DOCK3: variants seen among roughly 807,000 people sequenced by gnomAD.
The protein encoded by DOCK3 is dedicator of cytokinesis protein 3.
In DOCK3, 60 loss-of-function variants were observed where a neutral mutation model predicts 265.6. The observed-to-expected ratio is 0.23, with a 90% CI of 0.18 to 0.28. DOCK3 has a LOEUF of 0.28. Among genes scored for constraint, DOCK3 ranks in the 10% least tolerant of loss-of-function variants. The pLI is 1.00. For missense variants in DOCK3, 1,981 were observed against 2,594.3 expected, an observed-to-expected ratio of 0.76 and a Z score of 5.14; for synonymous variants, 881 against 938.0, an observed-to-expected ratio of 0.94 and a Z score of 1.11.
chr3:51,130,630 G>A (rs538204159), intron 9 of DOCK3, among the ~76,000 whole-genome samples: 4 of 152,292 alleles, frequency 2.6e-5, no homozygotes, highest in South Asian at 2.1e-4. Flanking sequence ...ATCACCACCC[G>A]TACATCTTTC....
chr3:50,719,551 C>T lies in DOCK3; in HGVS notation c.37+44251C>T, dbSNP rs2037347789. On this transcript the variant is annotated intron_variant, in intron 1 of 52. Coordinates refer to ENST00000266037, the MANE Select transcript of DOCK3 (RefSeq NM_004947.5). The stretch of plus-strand genomic sequence containing the variant: ...TGCCGTTTCTGGATCTAGAGCACTC[C>T]ATGGCCTGCATAATATTAATGCTAT... 5 of 1,297,084 alleles carry T rather than the reference C, an allele frequency of 3.9e-6. No individual in the cohort carries two copies. The South Asian group carries it at 4.8e-5, about 13-fold the overall frequency. The allele number at this position is 1,297,084 out of a possible 1,614,324, so 80.3% of individuals were successfully genotyped here.
intron 2 of DOCK3, among the ~76,000 whole-genome samples, chr3:50,791,846 TTGAAGTTG>T (rs1309022847): frequency 5.3e-5 from 8 of 152,180 alleles, no homozygotes; most frequent in Admixed American, 4.6e-4. Flanking sequence ...GTGGTATAGT[TTGAAGTTG>T]GGTAGCATGA....
chr3:51,360,588 T>C lies in DOCK3; in HGVS notation c.4962T>C (p.His1654=). The change falls in exon 47 of 53, where the codon CAT becomes CAC. Residue 1654 remains histidine, a synonymous_variant. Coordinates refer to ENST00000266037, the MANE Select transcript of DOCK3 (RefSeq NM_004947.5). ...STPRGNVLAS[H]SPMSPESIKM... ...CACGGGGAAATGTTCTGGCATCCCA[T>C]AGCCCCATGAGTCCGGAGAGCATCA... 1 of 1,613,852 alleles carries C rather than the reference T, an allele frequency of 6.2e-7. No homozygotes were observed. Among genetic ancestry groups the C allele is most frequent in the South Asian group, 1.1e-5 (1 of 91,000 alleles).
chr3:51,212,920 GAGGTTCTGTC>G (rs1269503616), intron 13 of DOCK3, among the ~76,000 whole-genome samples: 3 of 151,912 alleles, frequency 2.0e-5, no homozygotes, highest in African/African-American at 7.3e-5. Flanking sequence ...AGATAATTAT[GAGGTTCTGTC>G]CAGGCTCTAG....
chr3:51,077,567 A>T (rs938658372), intron 7 of DOCK3, among the ~76,000 whole-genome samples: 1 of 152,194 alleles, frequency 6.6e-6, no homozygotes, highest in Admixed American at 6.5e-5. Flanking sequence ...TTAAATTGCC[A>T]TGTGTGTTTG....
chr3:50,734,828 C>T (rs577730331), intron 1 of DOCK3, among the ~76,000 whole-genome samples: 1 of 152,214 alleles, frequency 6.6e-6, no homozygotes, highest in East Asian at 1.9e-4. Flanking sequence ...TGGTCTCGAT[C>T]TCCTGACCTT....
chr3:50,846,005 A>G (rs1470533598), intron 3 of DOCK3, among the ~76,000 whole-genome samples: 1 of 152,188 alleles, frequency 6.6e-6, no homozygotes, highest in East Asian at 1.9e-4. Flanking sequence ...TATCTCATGG[A>G]ATTGTAATGA....
intron 15 of DOCK3, 86 bp from the exon 16 acceptor site, chr3:51,227,192 TTAGAC>T: frequency 6.8e-7 from 1 of 1,476,040 alleles, no homozygotes; most frequent in Non-Finnish European, 9.2e-7. Flanking sequence ...AATGAGACCT[TTAGAC>T]AAGAGAAAGA....
chr3:50,686,120 A>G (rs1047069626), intron 1 of DOCK3, among the ~76,000 whole-genome samples: 1 of 151,972 alleles, frequency 6.6e-6, no homozygotes, highest in African/African-American at 2.4e-5. Flanking sequence ...ACAACTCACC[A>G]TGATGTAGAA....
At chr3:51,099,179 C>T (rs1221235077) in intron 9 of DOCK3, among the ~76,000 whole-genome samples, 2 of 152,234 alleles carry the variant, frequency 1.3e-5, no homozygotes, top group Non-Finnish European at 2.9e-5. Context: ...TGACATGCTT[C>T]TACATATATG....
intron 22 of DOCK3, among the ~76,000 whole-genome samples, chr3:51,247,126 T>C (rs917961723): frequency 5.3e-5 from 8 of 152,218 alleles, no homozygotes; most frequent in South Asian, 2.1e-4. Flanking sequence ...TAAGCCAATG[T>C]TGGTGGCAAC....
At chr3:51,341,801 C>G (rs1180375002) in intron 38 of DOCK3, among the ~76,000 whole-genome samples, 1 of 152,264 alleles carries the variant, frequency 6.6e-6, no homozygotes. Flanking sequence ...GCGGCCTAAA[C>G]TGCCTCTTAC....
chr3:50,844,354 T>C (rs1172770095), intron 3 of DOCK3, among the ~76,000 whole-genome samples: 1 of 152,148 alleles, frequency 6.6e-6, no homozygotes, highest in Non-Finnish European at 1.5e-5. Flanking sequence ...TAGCTGGGAC[T>C]ACAGGTGCAT....
chr3:51,010,112 G>A (rs1301283012), intron 5 of DOCK3, among the ~76,000 whole-genome samples: 2 of 152,194 alleles, frequency 1.3e-5, no homozygotes, highest in African/African-American at 4.8e-5. Flanking sequence ...GGTGTGGAGA[G>A]TTCTATAGAT....
intron 7 of DOCK3, among the ~76,000 whole-genome samples, chr3:51,082,937 C>T (rs995607386): frequency 7.2e-5 from 11 of 152,170 alleles, no homozygotes; most frequent in Non-Finnish European, 1.6e-4. Context: ...AGAGGTGGCA[C>T]ACCACTGCTA....
chr3:51,273,878 A>G lies in DOCK3; in HGVS notation c.2549-1201A>G, dbSNP rs372513086. ...AGAGTCACACAATCACTGACCACGT[A>G]GGAATACAGGGTGCCAGAAACGCAT... is the stretch of plus-strand genomic sequence containing the variant. On this transcript the variant is annotated intron_variant, in intron 24 of 52. Transcript: ENST00000266037. Among the ~76,000 whole-genome samples the G allele has an allele frequency of 1.2e-3, 188 of 152,368 alleles. 1 individual carries two copies. The highest frequency in any genetic ancestry group is 3.5e-3 in the East Asian group (18 of 5,190).
chr3:51,338,538 A>C (rs1034050709), intron 36 of DOCK3, 119 bp downstream of exon 36: 7 of 1,122,598 alleles, frequency 6.2e-6, no homozygotes, highest in Admixed American at 2.1e-5. Context: ...GAATCAGGAC[A>C]TCAGCTCTGT....
At chr3:50,856,537 T>A (rs1362304891) in intron 3 of DOCK3, among the ~76,000 whole-genome samples, 1 of 152,120 alleles carries the variant, frequency 6.6e-6, no homozygotes, top group African/African-American at 2.4e-5. Context: ...ATGGGGTTAT[T>A]TGTTTTTTTT....
chr3:51,003,505 G>A (rs764560728), intron 5 of DOCK3, among the ~76,000 whole-genome samples: 3 of 152,158 alleles, frequency 2.0e-5, no homozygotes, highest in Non-Finnish European at 2.9e-5. Flanking sequence ...ATACATTTAC[G>A]CTAATGATTT....
Sources: allele counts gnomAD v4.1 joint callset (sites outside exome capture counted in the v4.1 genomes callset), GRCh38; gene constraint gnomAD v4.1.1; transcripts MANE v1.5; gene names NCBI Gene and HGNC (gene_info 2026-07-23, HGNC 2026-07-21).